DAPK1: variants seen among roughly 807,000 people sequenced by gnomAD.
DAPK1 encodes the protein death-associated protein kinase 1.
Under a neutral mutation model 144.9 loss-of-function variants are expected in DAPK1, and 56 were observed. That is an observed-to-expected ratio of 0.39 (90% CI 0.31 to 0.48). DAPK1 has a LOEUF of 0.48. Ranked by LOEUF, DAPK1 falls within the 20% of genes least tolerant of loss-of-function variation. The pLI, the probability that DAPK1 is intolerant of heterozygous loss-of-function variation, is 0.95. For synonymous variants in DAPK1, 690 were observed against 749.0 expected (o/e 0.92, Z 1.29); for missense variants, 1,454 against 1,875.4 (o/e 0.78, Z 4.15).
rs373854086 is a variant in DAPK1, at chr9:87,673,587, C to T, written c.2001+4913C>T. On this transcript the variant is annotated intron_variant, in intron 19 of 25. Coordinates refer to ENST00000408954, the MANE Select transcript of DAPK1 (RefSeq NM_004938.4). ...GACTGCTGAGGCCAAGGCTACAGCT[C>T]TTGGGGAAGAAGGAACCTGGGGCAG... 2.4e-4 allele frequency among the ~76,000 whole-genome samples: 37 copies of T among 152,188 alleles called. No homozygotes were observed. In the East Asian group the frequency reaches 4.6e-3, roughly 19 times the overall value.
At chr9:87,566,020 CTTTTTTTTT>C (rs11354174) in intron 2 of DAPK1, among the ~76,000 whole-genome samples, 2 of 120,640 alleles carry the variant, frequency 1.7e-5, no homozygotes, top group African/African-American at 6.5e-5. Flanking sequence ...TCTCAGCATT[CTTTTTTTTT>C]TTTTTTTTTG....
At chr9:87,646,135 G>A in intron 12 of DAPK1, 121 bp downstream of exon 12, 1 of 1,224,762 alleles carries the variant, frequency 8.2e-7, no homozygotes. Flanking sequence ...TCCATACTGT[G>A]GGGAAAATCA....
In DAPK1 at chr9:87,686,666, G is replaced by A. The variant is rs545837227; in HGVS notation, c.2340G>A (p.Pro780=). Residue 780 remains proline, a synonymous_variant, in exon 21 of 26, where the codon CCG becomes CCA. Transcript: ENST00000408954. This position sits in a 1 kb window ranked among gnomAD's most constrained non-coding sequence, Gnocchi z 4.2. Reference sequence around the variant, plus strand: ...GGATGCTGGAGGTGTTTGTGGCCCCGACCCACCACCCGCACTGCTCGGCCG... The same window carrying A: ...GGATGCTGGAGGTGTTTGTGGCCCCAACCCACCACCCGCACTGCTCGGCCG... ...TKGMLEVFVA[P]THHPHCSADD... 7.4e-6 allele frequency: 12 copies of A among 1,612,984 alleles called. No homozygotes were observed. Among genetic ancestry groups the A allele is most frequent in the Middle Eastern group, 1.7e-4 (1 of 6,058 alleles).
intron 2 of DAPK1, among the ~76,000 whole-genome samples, chr9:87,510,292 A>T (rs1824787315): frequency 6.6e-6 from 1 of 152,132 alleles, no homozygotes; most frequent in African/African-American, 2.4e-5. Context: ...GAATGAGTAG[A>T]TCCTGTTTTA....
rs1294647700 is a variant in DAPK1, at chr9:87,646,459, A to C, written c.1132-2A>C. The C allele has an allele frequency of 1.2e-6, 2 of 1,610,228 alleles. No individual in the cohort carries two copies. Among genetic ancestry groups the C allele is most frequent in the Non-Finnish European group, 1.7e-6 (2 of 1,177,322 alleles). On this transcript the variant is annotated splice_acceptor_variant, in intron 12 of 25. Transcript: ENST00000408954. LOFTEE classifies it high-confidence loss of function. ...TAGTAATTTTTTTCTTGCCTATTCT[A>C]GCACGGGACACCTCCATTACTCATT...
At chr9:87,551,423 G>T (rs898139474) in intron 2 of DAPK1, among the ~76,000 whole-genome samples, 1 of 152,196 alleles carries the variant, frequency 6.6e-6, no homozygotes, top group Non-Finnish European at 1.5e-5. Flanking sequence ...TGGGATTACA[G>T]GCGTGAGTCA....
chr9:87,648,606 A>G (rs1424781194), intron 14 of DAPK1, 175 bp from the exon 15 acceptor site: 5 of 596,718 alleles, frequency 8.4e-6, no homozygotes, highest in Non-Finnish European at 1.5e-5. Context: ...TGTGGTGGAC[A>G]CCCCAACCTC....
At chr9:87,677,457 G>A (rs1824435496) in intron 19 of DAPK1, among the ~76,000 whole-genome samples, 1 of 152,194 alleles carries the variant, frequency 6.6e-6, no homozygotes. Context: ...CCTGCAGACA[G>A]GACAGACGTG....
intron 2 of DAPK1, among the ~76,000 whole-genome samples, chr9:87,597,700 G>A (rs1020051711): frequency 6.6e-6 from 1 of 152,132 alleles, no homozygotes; most frequent in African/African-American, 2.4e-5. Flanking sequence ...GTTATTGGCA[G>A]AGCTGGGGCT....
intron 4 of DAPK1, 129 bp from the exon 5 acceptor site, chr9:87,639,225 C>G (rs1268249249): frequency 7.2e-6 from 6 of 834,988 alleles, no homozygotes; most frequent in Non-Finnish European, 1.1e-5. Context: ...TCCTGCTGTT[C>G]TCTTCCAACC....
chr9:87,636,385 A>C (rs1226811444), intron 3 of DAPK1, among the ~76,000 whole-genome samples: 1 of 152,164 alleles, frequency 6.6e-6, no homozygotes, highest in East Asian at 1.9e-4. Flanking sequence ...AACCAGTGGG[A>C]GGCCCTGCAG....
At chr9:87,657,636 G>C (rs548494815) in intron 17 of DAPK1, 150 of 255,920 alleles carry the variant, frequency 5.9e-4, no homozygotes, top group African/African-American at 3.0e-3. Context: ...TTATGGGCTT[G>C]TCCTGGTATT....
At chr9:87,611,124 T>A (rs1828907645) in intron 3 of DAPK1, among the ~76,000 whole-genome samples, 1 of 152,224 alleles carries the variant, frequency 6.6e-6, no homozygotes, top group Non-Finnish European at 1.5e-5. Flanking sequence ...GGGTTAGTGA[T>A]TCTATGGGAA....
intron 21 of DAPK1, among the ~76,000 whole-genome samples, chr9:87,694,107 C>A (rs1825175375): frequency 6.6e-6 from 1 of 152,148 alleles, no homozygotes; most frequent in African/African-American, 2.4e-5. Context: ...TAGTCAGGTT[C>A]TCAGTTCCCT....
In DAPK1 at chr9:87,533,020, T is replaced by C. The variant is rs1434404945; in HGVS notation, c.62+33881T>C. On this transcript the variant is annotated intron_variant, in intron 2 of 25. Transcript: ENST00000408954. The stretch of plus-strand genomic sequence containing the variant: ...GTCTGAAGGGTGTGGAATATTTTCA[T>C]TTCCTGAATGGAATAAAAGGTGGGA... 3.9e-5 allele frequency among the ~76,000 whole-genome samples: 6 copies of C among 152,314 alleles called. No individual in the cohort carries two copies. In the East Asian group the frequency reaches 1.2e-3, roughly 29 times the overall value.
At chr9:87,560,097 TCTC>T (rs1826856940) in intron 2 of DAPK1, among the ~76,000 whole-genome samples, 1 of 151,962 alleles carries the variant, frequency 6.6e-6, no homozygotes, top group Non-Finnish European at 1.5e-5. Context: ...TTCAAGCTAT[TCTC>T]CTGCCTCAGC....
intron 21 of DAPK1, among the ~76,000 whole-genome samples, chr9:87,692,121 C>T (rs1043852360): frequency 6.6e-6 from 1 of 152,008 alleles, no homozygotes; most frequent in African/African-American, 2.4e-5. Flanking sequence ...TCTATCTGTT[C>T]CTATAGATCT....
chr9:87,638,881 C>T (rs972420255), intron 4 of DAPK1, among the ~76,000 whole-genome samples: 3 of 152,210 alleles, frequency 2.0e-5, no homozygotes, highest in Non-Finnish European at 4.4e-5. Flanking sequence ...ATACCTGTGA[C>T]TCTTCCTGGC....
chr9:87,530,824 A>G (rs1255035825), intron 2 of DAPK1, among the ~76,000 whole-genome samples: 1 of 152,146 alleles, frequency 6.6e-6, no homozygotes, highest in Non-Finnish European at 1.5e-5. Context: ...GAAACCCCCA[A>G]GGGCCCCTTT....
Sources: gnomAD v4.1 joint callset for allele counts (sites outside exome capture counted in the v4.1 genomes callset) on GRCh38, gnomAD v4.1.1 for gene constraint, Gnocchi (gnomAD v3.1) non-coding constraint, MANE v1.5 for transcripts, NCBI Gene and HGNC (gene_info 2026-07-23, HGNC 2026-07-21) for gene names.